The following PHLPP1 variants were observed in gnomAD, a reference collection of about 807,000 sequenced individuals.
PHLPP1 encodes the protein PH domain leucine-rich repeat-containing protein phosphatase 1.
PHLPP1 carries 42 observed loss-of-function variants against 117.2 expected under a neutral mutation model. That is an observed-to-expected ratio of 0.36 (90% CI 0.28 to 0.46). The LOEUF is 0.46. Among genes scored for constraint, PHLPP1 ranks in the 20% least tolerant of loss-of-function variants. The pLI, the probability that PHLPP1 is intolerant of heterozygous loss-of-function variation, is 1.00. For missense variants in PHLPP1, 2,084 were observed against 2,241.9 expected (o/e 0.93, Z 1.42); for synonymous variants, 1,042 against 970.7 (o/e 1.07, Z -1.37).
chr18:62,767,522 A>G (rs568708349), intron 1 of PHLPP1, among the ~76,000 whole-genome samples: 155 of 152,316 alleles, frequency 1.0e-3, no homozygotes, highest in Middle Eastern at 6.8e-3. Flanking sequence ...GGCAAAACCC[A>G]ATTCAGTTTT....
chr18:62,868,061 C>T (rs992666680), intron 4 of PHLPP1, among the ~76,000 whole-genome samples: 1 of 152,152 alleles, frequency 6.6e-6, no homozygotes, highest in Non-Finnish European at 1.5e-5. Flanking sequence ...CCTCCCGCGT[C>T]AGCCTCCCAA....
intron 4 of PHLPP1, among the ~76,000 whole-genome samples, chr18:62,878,162 C>T (rs1916093539): frequency 6.6e-6 from 1 of 152,150 alleles, no homozygotes; most frequent in Non-Finnish European, 1.5e-5. Context: ...ATTTGCTATT[C>T]TGAGTGGTAA....
At chr18:62,883,650 A>G (rs1220220544) in intron 4 of PHLPP1, among the ~76,000 whole-genome samples, 4 of 152,184 alleles carry the variant, frequency 2.6e-5, no homozygotes, top group African/African-American at 9.7e-5. Context: ...TAAACTGTAC[A>G]TACTCTTGGG....
chr18:62,858,162 T>C (rs1568140224), intron 3 of PHLPP1, among the ~76,000 whole-genome samples: 1 of 152,208 alleles, frequency 6.6e-6, no homozygotes, highest in Non-Finnish European at 1.5e-5. Context: ...GTAAAGTCTT[T>C]AGAGATAAGT....
In PHLPP1 at chr18:62,941,800, C is replaced by G; in HGVS notation, c.3043C>G (p.Gln1015Glu). The G allele has an allele frequency of 6.2e-7, 1 of 1,613,790 alleles. No homozygotes were observed. The change falls in exon 11 of 17, where the codon CAA (glutamine) becomes GAA (glutamate). Residue 1015 changes from glutamine to glutamate, a missense_variant. Gln to Glu is a conservative substitution (Grantham distance 29). This residue lies in a region of PHLPP1 where 1,365 missense variants were observed against 1,605.9 expected (regional missense o/e 0.85). Coordinates refer to ENST00000262719, the MANE Select transcript of PHLPP1 (RefSeq NM_194449.4). Reference sequence around the variant, plus strand: ...TTCCGAAGAGACAAACAGTATCTTACAAGAGTTGTATTTGACAAATAACAG... The same window carrying G: ...TTCCGAAGAGACAAACAGTATCTTAGAAGAGTTGTATTTGACAAATAACAG... ...TLSEETNSIL[Q>E]ELYLTNNSLT... is the part of the protein sequence containing the mutation.
chr18:62,759,246 A>G (rs1192029432), intron 1 of PHLPP1, among the ~76,000 whole-genome samples: 1 of 152,150 alleles, frequency 6.6e-6, no homozygotes, highest in Non-Finnish European at 1.5e-5. Flanking sequence ...CACAGGTAAA[A>G]ATAATTGTCT....
In PHLPP1 at chr18:62,980,134, A is replaced by G. The variant is rs570142399; in HGVS notation, c.*703A>G. 2.0e-5 allele frequency: 3 copies of G among 152,504 alleles called. No individual in the cohort carries two copies. Among genetic ancestry groups the G allele is most frequent in the African/African-American group, 7.2e-5 (3 of 41,422 alleles). The allele number at this position is 152,504 out of a possible 1,614,324, so 9.4% of individuals were successfully genotyped here. A position where few individuals can be genotyped will look rare whatever the true frequency, so the allele number is the denominator to read the frequency against. Reference sequence around the variant, plus strand: ...CTCTGAGGAGCCTGCCTGCCTCACAACTCACCCTCACTTCACTGAATGAGG... The same window carrying G: ...CTCTGAGGAGCCTGCCTGCCTCACAGCTCACCCTCACTTCACTGAATGAGG... On this transcript the variant is annotated 3_prime_UTR_variant, in exon 17 of 17. Coordinates refer to ENST00000262719, the MANE Select transcript of PHLPP1 (RefSeq NM_194449.4).
intron 10 of PHLPP1, among the ~76,000 whole-genome samples, chr18:62,928,508 G>A (rs1909713060): frequency 6.6e-6 from 1 of 152,120 alleles, no homozygotes; most frequent in South Asian, 2.1e-4. Flanking sequence ...CAAAAACACA[G>A]TAACAAATAT....
At chr18:62,804,888 GCA>G in intron 1 of PHLPP1, among the ~76,000 whole-genome samples, 1 of 141,690 alleles carries the variant, frequency 7.1e-6, no homozygotes, top group African/African-American at 2.6e-5. Flanking sequence ...AATATACACT[GCA>G]TATATTATAC....
chr18:62,979,201 G>T lies in PHLPP1; in HGVS notation c.4924G>T (p.Asp1642Tyr). The T allele has an allele frequency of 1.2e-6, 2 of 1,612,914 alleles. No individual in the cohort carries two copies. Among genetic ancestry groups the T allele is most frequent in the Non-Finnish European group, 1.7e-6 (2 of 1,179,388 alleles). ...RSHNVIEVATDAPLRKPGGYF... is the reference protein window; with the variant it reads ...RSHNVIEVATYAPLRKPGGYF... ...CCACAATGTGATAGAGGTGGCTACA[G>T]ACGCACCTCTTCGAAAGCCTGGAGG... Residue 1642 changes from aspartate to tyrosine, a missense_variant, in exon 17 of 17, where the codon GAC (aspartate) becomes TAC (tyrosine). Transcript: ENST00000262719.
At position 62,829,929 on chromosome 18, in the gene PHLPP1, T is replaced by G. The variant is rs576009064; in HGVS notation, c.1577-106T>G. ...ATAAATTAGATTGAATTTATAATTTTCCCTTGAATTATTCCCTTGTTGTCC... is the reference window on the plus strand; with the variant it reads ...ATAAATTAGATTGAATTTATAATTTGCCCTTGAATTATTCCCTTGTTGTCC... On this transcript the variant is annotated intron_variant, in intron 1 of 16. Transcript: ENST00000262719. 1.8e-3 allele frequency: 1,217 copies of G among 690,660 alleles called. 3 individuals are homozygous for G. The highest frequency in any genetic ancestry group is 2.4e-3 in the Non-Finnish European group (1,060 of 434,980). The allele number at this position is 690,660 out of a possible 1,614,324, so 42.8% of individuals were successfully genotyped here. A position where few individuals can be genotyped will look rare whatever the true frequency, so the allele number is the denominator to read the frequency against.
intron 4 of PHLPP1, among the ~76,000 whole-genome samples, chr18:62,872,219 A>G (rs1327929850): frequency 6.6e-6 from 1 of 152,210 alleles, no homozygotes; most frequent in African/African-American, 2.4e-5. Flanking sequence ...CCCAGAAGAA[A>G]TTGTGGAAAA....
chr18:62,825,019 C>T (rs1251101391), intron 1 of PHLPP1, among the ~76,000 whole-genome samples: 9 of 151,732 alleles, frequency 5.9e-5, no homozygotes, highest in Admixed American at 3.9e-4. Context: ...CTCTGCCTCC[C>T]GGGTTCAAGT....
At chr18:62,865,664 G>T (rs911689265) in intron 4 of PHLPP1, among the ~76,000 whole-genome samples, 3 of 152,168 alleles carry the variant, frequency 2.0e-5, no homozygotes, top group African/African-American at 7.2e-5. Flanking sequence ...GCTGGATAAA[G>T]AAATGTGGTA....
At chr18:62,717,366 T>C in intron 1 of PHLPP1, 107 bp downstream of exon 1, 1 of 1,411,900 alleles carries the variant, frequency 7.1e-7, no homozygotes. Context: ...GTGCGGGTCC[T>C]GATGAGTCTT....
At chr18:62,737,085 A>G (rs1347572373) in intron 1 of PHLPP1, among the ~76,000 whole-genome samples, 1 of 152,212 alleles carries the variant, frequency 6.6e-6, no homozygotes, top group Non-Finnish European at 1.5e-5. Context: ...TATTGGAGGC[A>G]TTTACACAGT....
intron 1 of PHLPP1, among the ~76,000 whole-genome samples, chr18:62,764,191 A>C (rs1057232844): frequency 1.3e-5 from 2 of 151,322 alleles, no homozygotes; most frequent in African/African-American, 2.4e-5. Context: ...AAACAACAAC[A>C]ACCAAAAAAA....
intron 1 of PHLPP1, among the ~76,000 whole-genome samples, chr18:62,754,291 G>T (rs1443688476): frequency 6.6e-6 from 1 of 152,218 alleles, no homozygotes; most frequent in Non-Finnish European, 1.5e-5. Context: ...GGCAGTTGTT[G>T]GGTATGAATG....
In PHLPP1 at chr18:62,717,130, T is replaced by C; in HGVS notation, c.1447T>C (p.Leu483=). Residue 483 remains leucine, a synonymous_variant, in exon 1 of 17, where the codon TTG becomes CTG. Coordinates refer to ENST00000262719, the MANE Select transcript of PHLPP1 (RefSeq NM_194449.4). ...VQLHGETTRR[L]EAEEKPLQIQ... is the part of the protein sequence containing the mutation. ...GCTCCACGGAGAGACCACCCGGCGC[T>C]TGGAGGCGGAGGAGAAGCCATTGCA... is the stretch of plus-strand genomic sequence containing the variant. 2 of 1,595,446 alleles carry C rather than the reference T, an allele frequency of 1.3e-6. No individual in the cohort carries two copies. Among genetic ancestry groups the C allele is most frequent in the Non-Finnish European group, 1.7e-6 (2 of 1,171,264 alleles).
Sources: gnomAD v4.1 joint callset for allele counts (sites outside exome capture counted in the v4.1 genomes callset) on GRCh38, gnomAD v4.1.1 for gene constraint, gnomAD v4.1.1 regional missense constraint, MANE v1.5 for transcripts, NCBI Gene and HGNC (gene_info 2026-07-23, HGNC 2026-07-21) for gene names.